The following HPSE variants were observed in gnomAD, a reference collection of about 807,000 sequenced individuals.
HPSE encodes heparanase, also known as endo-glucoronidase.
HPSE carries 48 observed loss-of-function variants against 65.1 expected under a neutral mutation model. The observed-to-expected ratio is 0.74, with a 90% CI of 0.58 to 0.94. The LOEUF (loss-of-function observed/expected upper bound fraction) is 0.94. HPSE is among the 40% of genes least tolerant of loss of function. HPSE has a pLI of 0.00. For synonymous variants in HPSE, 243 were observed against 260.0 expected, an observed-to-expected ratio of 0.93 and a Z score of 0.63; for missense variants, 644 against 637.5, an observed-to-expected ratio of 1.01 and a Z score of -0.11.
chr4:83,331,750 T>C (rs557499567), intron 1 of HPSE, among the ~76,000 whole-genome samples: 3 of 152,332 alleles, frequency 2.0e-5, no homozygotes, highest in South Asian at 2.1e-4. Context: ...AGATGAAGGT[T>C]TGGGCCCTGA....
chr4:83,307,848 T>C (rs1159217394), intron 8 of HPSE, among the ~76,000 whole-genome samples: 1 of 152,116 alleles, frequency 6.6e-6, no homozygotes, highest in Non-Finnish European at 1.5e-5. Flanking sequence ...AAAATCTCAA[T>C]GTGAGGATAT....
At position 83,292,771 on chromosome 4, in the gene HPSE, T is replaced by C. The variant is rs935554293; in HGVS notation, c.*2573A>G. The C allele has an allele frequency of 1.3e-5, 2 of 152,202 alleles. No individual in the cohort carries two copies. Among genetic ancestry groups the C allele is most frequent in the African/African-American group, 2.4e-5 (1 of 41,438 alleles). The allele number at this position is 152,202 out of a possible 1,614,324, so 9.4% of individuals were successfully genotyped here. ...AGTAACTCAGGAATGGAAAACCAAA[T>C]ACTGCATGTTCTCACTTATAAGTGG... On this transcript the variant is annotated 3_prime_UTR_variant, in exon 12 of 12. Transcript: ENST00000311412.
chr4:83,334,512 CAGG>C, intron 1 of HPSE, 41 bp downstream of exon 1: 1 of 1,531,116 alleles, frequency 6.5e-7, no homozygotes, highest in South Asian at 1.2e-5. Flanking sequence ...ACATAGGTGT[CAGG>C]AGGACAGGAA....
At chr4:83,316,059 T>C (rs1736621113) in intron 3 of HPSE, among the ~76,000 whole-genome samples, 1 of 151,832 alleles carries the variant, frequency 6.6e-6, no homozygotes, top group South Asian at 2.1e-4. Flanking sequence ...CAGAGTATTG[T>C]TCTGTCGCCC....
At chr4:83,319,880 T>C (rs1040428716) in intron 2 of HPSE, among the ~76,000 whole-genome samples, 5 of 151,622 alleles carry the variant, frequency 3.3e-5, no homozygotes, top group Admixed American at 2.6e-4. Context: ...GGCCAAATGG[T>C]GAAACCTCGT....
chr4:83,332,713 G>T (rs1737431513), intron 1 of HPSE, among the ~76,000 whole-genome samples: 1 of 152,204 alleles, frequency 6.6e-6, no homozygotes, highest in South Asian at 2.1e-4. Context: ...GTCAATTGCG[G>T]GGAGCTTGAC....
chr4:83,333,661 G>T (rs1339364643), intron 1 of HPSE, among the ~76,000 whole-genome samples: 1 of 152,096 alleles, frequency 6.6e-6, no homozygotes, highest in South Asian at 2.1e-4. Context: ...CCTGCATCAG[G>T]TTCCTTCTTT....
At chr4:83,313,506 A>C (rs1229598275) in intron 3 of HPSE, among the ~76,000 whole-genome samples, 1 of 152,230 alleles carries the variant, frequency 6.6e-6, no homozygotes, top group African/African-American at 2.4e-5. Flanking sequence ...ATCCCATGGA[A>C]GATACCAGAA....
At chr4:83,334,138 G>A (rs71613160) in intron 1 of HPSE, among the ~76,000 whole-genome samples, 8 of 152,226 alleles carry the variant, frequency 5.3e-5, no homozygotes, top group African/African-American at 1.7e-4. Context: ...TAGAGTGGGC[G>A]CTAAACAATG....
In HPSE at chr4:83,310,857, A is replaced by C. The variant is rs61755719; in HGVS notation, c.707T>G (p.Phe236Cys). ...PNSFLKKADI[F>C]INGSQLGEDF... is the part of the protein sequence containing the mutation. Reference sequence around the variant, plus strand: ...TTCTCCTAACTGCGACCCATTGATGAAAATATCAGCCTTCTTAAGGAAACT... The same window carrying C: ...TTCTCCTAACTGCGACCCATTGATGCAAATATCAGCCTTCTTAAGGAAACT... The change falls in exon 5 of 12, where the codon TTC (phenylalanine) becomes TGC (cysteine). Residue 236 changes from phenylalanine to cysteine, a missense_variant. Coordinates refer to ENST00000311412, the MANE Select transcript of HPSE (RefSeq NM_001098540.3). 5.6e-3 allele frequency: 9,001 copies of C among 1,613,758 alleles called. 38 individuals carry two copies. Among genetic ancestry groups the C allele is most frequent in the Non-Finnish European group, 6.5e-3 (7,724 of 1,179,684 alleles).
intron 11 of HPSE, among the ~76,000 whole-genome samples, chr4:83,299,954 C>T (rs921399813): frequency 1.4e-4 from 21 of 152,180 alleles, no homozygotes; most frequent in African/African-American, 4.8e-4. Context: ...CTGCCTGCTT[C>T]AGCTTCCCAA....
intron 3 of HPSE, among the ~76,000 whole-genome samples, chr4:83,314,262 A>C (rs1362777205): frequency 1.9e-5 from 1 of 52,090 alleles, no homozygotes; most frequent in East Asian, 8.5e-4. Flanking sequence ...TGTCTCAAAA[A>C]AAAAAACAAA....
At chr4:83,317,411 A>G (rs1736696911) in intron 3 of HPSE, among the ~76,000 whole-genome samples, 1 of 152,244 alleles carries the variant, frequency 6.6e-6, no homozygotes, top group South Asian at 2.1e-4. Context: ...CTAAACACAG[A>G]AGATTTCTGT....
chr4:83,318,884 TGCTTGGTG>T (rs1164386470), intron 3 of HPSE, among the ~76,000 whole-genome samples: 1 of 152,138 alleles, frequency 6.6e-6, no homozygotes, highest in East Asian at 1.9e-4. Flanking sequence ...AAGAGAATGC[TGCTTGGTG>T]GCCAAGACTG....
At chr4:83,298,503 TA>T (rs1735813493) in intron 11 of HPSE, among the ~76,000 whole-genome samples, 2 of 151,824 alleles carry the variant, frequency 1.3e-5, no homozygotes, top group South Asian at 4.2e-4. Flanking sequence ...GATGTTCATT[TA>T]AATATTTATT....
intron 7 of HPSE, 88 bp from the exon 8 acceptor site, chr4:83,309,039 CTT>C: frequency 1.0e-6 from 1 of 975,822 alleles, no homozygotes; most frequent in Non-Finnish European, 1.6e-6. Context: ...GCATTCAAAA[CTT>C]TGTATTCCTA....
chr4:83,300,143 C>T (rs1352980966), intron 11 of HPSE, among the ~76,000 whole-genome samples: 1 of 152,170 alleles, frequency 6.6e-6, no homozygotes, highest in African/African-American at 2.4e-5. Context: ...CCATTGAATA[C>T]AGGCTTTTAT....
chr4:83,317,626 A>G (rs1736704088), intron 3 of HPSE, among the ~76,000 whole-genome samples: 1 of 152,204 alleles, frequency 6.6e-6, no homozygotes, highest in South Asian at 2.1e-4. Context: ...GGAGTTGGAA[A>G]CCTACCATTT....
At chr4:83,322,455 T>A in intron 1 of HPSE, 91 bp from the exon 2 acceptor site, 4 of 1,025,796 alleles carry the variant, frequency 3.9e-6, no homozygotes, top group Non-Finnish European at 4.2e-6. Context: ...GTGGACCTAT[T>A]TCTTAACATT....
Sources: allele counts gnomAD v4.1 joint callset (sites outside exome capture counted in the v4.1 genomes callset), GRCh38; gene constraint gnomAD v4.1.1; transcripts MANE v1.5; gene names NCBI Gene and HGNC (gene_info 2026-07-23, HGNC 2026-07-21).